EYS: variants seen among roughly 807,000 people sequenced by gnomAD.
The protein encoded by EYS is EGF-like photoreceptor maintenance factor.
A neutral mutation model predicts 282.1 loss-of-function variants in EYS; 250 were observed. That is an observed-to-expected ratio of 0.89 (90% CI 0.80 to 0.98). EYS has a LOEUF of 0.98. Among genes scored for constraint, EYS ranks in the 50% least tolerant of loss-of-function variants. The probability of loss-of-function intolerance (pLI) is 0.00; values close to 1 mark genes in which losing one functional copy is unlikely to be tolerated. For missense variants in EYS, 4,016 were observed against 3,709.0 expected, an observed-to-expected ratio of 1.08 and a Z score of -2.15; for synonymous variants, 1,355 against 1,282.9, an observed-to-expected ratio of 1.06 and a Z score of -1.20.
intron 8 of EYS, among the ~76,000 whole-genome samples, chr6:65,371,741 CTGTGTGTGTGTG>C (rs112663745): frequency 2.8e-5 from 2 of 70,244 alleles, no homozygotes; most frequent in Admixed American, 1.7e-4. Context: ...CTCTCTCTCT[CTGTGTGTGTGTG>C]TGTGTGTGTG....
At chr6:63,831,103 T>G (rs983578019) in intron 36 of EYS, among the ~76,000 whole-genome samples, 4 of 152,224 alleles carry the variant, frequency 2.6e-5, no homozygotes, top group Non-Finnish European at 5.9e-5. Flanking sequence ...TACCAGCCAT[T>G]GCAAAAACAT....
chr6:64,040,041 G>C (rs952531898), intron 33 of EYS, among the ~76,000 whole-genome samples: 6 of 152,174 alleles, frequency 3.9e-5, no homozygotes, highest in Non-Finnish European at 8.8e-5. Flanking sequence ...TGGCAAGATA[G>C]AGCTTGCAAA....
In EYS at chr6:64,993,882, C is replaced by T. The variant is rs573569877; in HGVS notation, c.2259+3700G>A. ...GGGGAAAAGTTAAACCTGTAGTATACGTGTGTGTGTGTGTGATGTGTGTGA... is the reference window on the plus strand; with the variant it reads ...GGGGAAAAGTTAAACCTGTAGTATATGTGTGTGTGTGTGTGATGTGTGTGA... On this transcript the variant is annotated intron_variant, in intron 14 of 42. Transcript: ENST00000503581. Among the ~76,000 whole-genome samples, 370 of 146,922 alleles carry T rather than the reference C, an allele frequency of 2.5e-3. 2 individuals carry two copies. The highest frequency in any genetic ancestry group is 8.6e-3 in the African/African-American group (346 of 40,084).
At position 64,604,092 on chromosome 6, in the gene EYS, T is replaced by C. The variant is rs186993476; in HGVS notation, c.3685-10783A>G. On this transcript the variant is annotated intron_variant, in intron 24 of 42. Transcript: ENST00000503581. ...GTTCCATCAAATTTATGTGCTTCGC[T>C]CTCTGTATCTCTGTCTCTTTCTCTT... 2.0e-3 allele frequency among the ~76,000 whole-genome samples: 301 copies of C among 152,096 alleles called. 1 individual carries two copies. Among genetic ancestry groups the C allele is most frequent in the African/African-American group, 6.8e-3 (281 of 41,548 alleles).
At chr6:63,970,868 G>T (rs1034872480) in intron 35 of EYS, among the ~76,000 whole-genome samples, 3 of 152,180 alleles carry the variant, frequency 2.0e-5, no homozygotes, top group Non-Finnish European at 2.9e-5. Context: ...ATTTCATAAT[G>T]GTAAAATCAT....
At chr6:64,139,993 A>AT (rs933046810) in intron 31 of EYS, among the ~76,000 whole-genome samples, 2 of 151,234 alleles carry the variant, frequency 1.3e-5, no homozygotes, top group African/African-American at 4.9e-5. Context: ...AAATAAATAA[A>AT]TAAATAAATA....
At chr6:65,185,880 C>G (rs994794491) in intron 12 of EYS, among the ~76,000 whole-genome samples, 1 of 151,556 alleles carries the variant, frequency 6.6e-6, no homozygotes, top group African/African-American at 2.4e-5. Context: ...AAGTAGAAGT[C>G]CCAGTTTTAC....
chr6:63,887,620 C>A (rs1773297086), intron 35 of EYS, among the ~76,000 whole-genome samples: 1 of 152,214 alleles, frequency 6.6e-6, no homozygotes, highest in African/African-American at 2.4e-5. Context: ...ACAGTGCACT[C>A]TGGCCCAAAT....
intron 12 of EYS, among the ~76,000 whole-genome samples, chr6:65,227,424 C>T (rs185394884): frequency 2.0e-5 from 3 of 152,174 alleles, no homozygotes; most frequent in African/African-American, 7.2e-5. Flanking sequence ...CATATAAGAA[C>T]ATGAAATAAT....
Position 64,749,625 on chromosome 6 carries a change from A to T in EYS, c.3443+63753T>A, listed in dbSNP as rs1772676192. The stretch of plus-strand genomic sequence containing the variant: ...TATTCTAAAAAAAAACATTTTAGCA[A>T]GTCTTGCTAAATTAGAAAATAGAAA... On this transcript the variant is annotated intron_variant, in intron 22 of 42. Coordinates refer to ENST00000503581, the MANE Select transcript of EYS (RefSeq NM_001142800.2). 2.6e-5 allele frequency among the ~76,000 whole-genome samples: 4 copies of T among 152,200 alleles called. 1 individual carries two copies. In the South Asian group the frequency reaches 8.3e-4, roughly 31 times the overall value.
At chr6:64,246,502 T>G (rs556867799) in intron 30 of EYS, among the ~76,000 whole-genome samples, 9 of 152,296 alleles carry the variant, frequency 5.9e-5, no homozygotes, top group Admixed American at 5.2e-4. Flanking sequence ...TTTCTATAGA[T>G]TCTAGATAAA....
At chr6:65,034,600 T>G (rs1772709436) in intron 13 of EYS, among the ~76,000 whole-genome samples, 1 of 152,146 alleles carries the variant, frequency 6.6e-6, no homozygotes, top group East Asian at 1.9e-4. Context: ...TTTTGCCATG[T>G]GATATCCCTG....
At chr6:63,946,757 G>T (rs1476960325) in intron 35 of EYS, among the ~76,000 whole-genome samples, 1 of 146,586 alleles carries the variant, frequency 6.8e-6, no homozygotes, top group Non-Finnish European at 1.5e-5. Context: ...CTACATGAAA[G>T]AGTTAGAAGG....
intron 41 of EYS, among the ~76,000 whole-genome samples, chr6:63,737,893 A>G (rs1479320532): frequency 1.3e-5 from 2 of 152,082 alleles, no homozygotes; most frequent in Admixed American, 6.6e-5. Context: ...TTACAAGAAA[A>G]AAACAAACAA....
chr6:65,706,337 T>C (rs1221791824), intron 1 of EYS, among the ~76,000 whole-genome samples: 2 of 151,990 alleles, frequency 1.3e-5, no homozygotes, highest in Non-Finnish European at 2.9e-5. Flanking sequence ...TAGTTCAACA[T>C]ACCTGATTTC....
intron 35 of EYS, among the ~76,000 whole-genome samples, chr6:63,908,684 C>G (rs1340001737): frequency 6.6e-6 from 1 of 151,858 alleles, no homozygotes; most frequent in African/African-American, 2.4e-5. Flanking sequence ...CTCCTGACCT[C>G]AGGTTATCCG....
chr6:63,923,191 T>C (rs1230937807), intron 35 of EYS, among the ~76,000 whole-genome samples: 2 of 152,208 alleles, frequency 1.3e-5, no homozygotes, highest in Non-Finnish European at 2.9e-5. Context: ...TTTTTTAGTG[T>C]GTTAATTTCA....
At chr6:64,034,650 G>T (rs1441275127) in intron 33 of EYS, among the ~76,000 whole-genome samples, 1 of 152,128 alleles carries the variant, frequency 6.6e-6, no homozygotes, top group Non-Finnish European at 1.5e-5. Context: ...TGAAGCTTCC[G>T]AGGTGATTCC....
intron 42 of EYS, among the ~76,000 whole-genome samples, chr6:63,722,013 C>G (rs1006517441): frequency 1.3e-5 from 2 of 152,110 alleles, no homozygotes; most frequent in African/African-American, 2.4e-5. Flanking sequence ...TAAATTTTCT[C>G]TAGTTGTGGA....
Sources: gnomAD v4.1 joint callset for allele counts (sites outside exome capture counted in the v4.1 genomes callset) on GRCh38, gnomAD v4.1.1 for gene constraint, MANE v1.5 for transcripts, NCBI Gene and HGNC (gene_info 2026-07-23, HGNC 2026-07-21) for gene names.